PPIL6: variants seen among roughly 807,000 people sequenced by gnomAD.
PPIL6 encodes probable inactive peptidyl-prolyl cis-trans isomerase-like 6.
PPIL6 carries 39 observed loss-of-function variants against 36.8 expected under a neutral mutation model. The ratio of observed to expected loss-of-function variants is 1.06; its 90% CI spans 0.82 to 1.38. PPIL6 has a LOEUF of 1.38. Among genes scored for constraint, PPIL6 ranks in the 40% most tolerant of loss-of-function variants. PPIL6 has a pLI of 0.00. For missense variants in PPIL6, 368 were observed against 379.1 expected (o/e 0.97, Z 0.24); for synonymous variants, 123 against 134.1 (o/e 0.92, Z 0.57).
Position 109,436,213 on chromosome 6 carries a change from T to C in PPIL6, c.136-14A>G, listed in dbSNP as rs1436032900. ...ATTCTTCAGATTCTGGATTTCGAAA[T>C]AGAATAATTATTTTAGAGTTAGTTC... On this transcript the variant is annotated splice_polypyrimidine_tract_variant and intron_variant, in intron 1 of 7. Coordinates refer to ENST00000521072, the MANE Select transcript of PPIL6 (RefSeq NM_173672.5). The C allele has an allele frequency of 2.2e-6, 3 of 1,334,144 alleles. No individual in the cohort carries two copies. The highest frequency in any genetic ancestry group is 2.4e-5 in the South Asian group (2 of 82,442). The allele number at this position is 1,334,144 out of a possible 1,614,324, so 82.6% of individuals were successfully genotyped here.
At chr6:109,432,612 G>A (rs920618545) in intron 2 of PPIL6, among the ~76,000 whole-genome samples, 1 of 152,130 alleles carries the variant, frequency 6.6e-6, no homozygotes, top group Non-Finnish European at 1.5e-5. Flanking sequence ...CTAGGATGGT[G>A]CCTGAGAATT....
intron 3 of PPIL6, among the ~76,000 whole-genome samples, chr6:109,429,413 C>T (rs909624526): frequency 6.6e-6 from 1 of 152,142 alleles, no homozygotes. Flanking sequence ...AAATCATAAC[C>T]CAGCCTCAAT....
chr6:109,426,814 G>A, intron 5 of PPIL6, 33 bp downstream of exon 5: 1 of 1,403,746 alleles, frequency 7.1e-7, no homozygotes, highest in Non-Finnish European at 9.6e-7. Context: ...ATTTGATATT[G>A]CAATTAACTC....
intron 3 of PPIL6, 26 bp from the exon 4 acceptor site, chr6:109,427,182 A>G: frequency 6.4e-7 from 1 of 1,560,596 alleles, no homozygotes; most frequent in Non-Finnish European, 8.8e-7. Context: ...AGAATCATAT[A>G]ATGCAGGTCA....
intron 5 of PPIL6, among the ~76,000 whole-genome samples, chr6:109,424,331 C>T (rs1430097460): frequency 1.3e-5 from 2 of 152,120 alleles, no homozygotes; most frequent in Non-Finnish European, 2.9e-5. Context: ...GCTTAGGAGG[C>T]AGCCAGAGGC....
rs564751735 is a variant in PPIL6, at chr6:109,420,332, C to CAAAA, written c.632-1093_632-1090dup. Among the ~76,000 whole-genome samples the CAAAA allele has an allele frequency of 1.3e-3, 66 of 50,952 alleles. No homozygotes were observed. The Middle Eastern group carries it at 0.047, about 36-fold the overall frequency. 33.4% of individuals were successfully genotyped at this position (50,952 alleles called of 152,430 possible). A position where few individuals can be genotyped will look rare whatever the true frequency, so the allele number is the denominator to read the frequency against. The stretch of plus-strand genomic sequence containing the variant: ...TGGGCGACAGTGTGAGACTCCATCT[C>CAAAA]AAAAAAAAAAAAAAAAAAAAAAAAA... On this transcript the variant is annotated intron_variant, in intron 5 of 7. Coordinates refer to ENST00000521072, the MANE Select transcript of PPIL6 (RefSeq NM_173672.5).
intron 1 of PPIL6, among the ~76,000 whole-genome samples, chr6:109,439,374 T>A (rs1206360064): frequency 6.6e-6 from 1 of 152,204 alleles, no homozygotes; most frequent in African/African-American, 2.4e-5. Context: ...TTATTTATTT[T>A]GAGACGGGGT....
intron 5 of PPIL6, 120 bp downstream of exon 5, chr6:109,426,727 C>A: frequency 3.1e-6 from 2 of 648,292 alleles, no homozygotes; most frequent in Non-Finnish European, 2.4e-6. Flanking sequence ...ATAAAGCATT[C>A]TTTAAATACG....
At chr6:109,428,754 A>T (rs1773962601) in intron 3 of PPIL6, among the ~76,000 whole-genome samples, 1 of 152,112 alleles carries the variant, frequency 6.6e-6, no homozygotes, top group Non-Finnish European at 1.5e-5. Context: ...ATTATAATTA[A>T]TTTGTGCCTC....
intron 6 of PPIL6, among the ~76,000 whole-genome samples, chr6:109,402,356 C>T (rs1772590135): frequency 6.6e-6 from 1 of 152,078 alleles, no homozygotes; most frequent in Non-Finnish European, 1.5e-5. Flanking sequence ...GCCAACATGG[C>T]AAAACCCCGT....
intron 6 of PPIL6, among the ~76,000 whole-genome samples, chr6:109,411,209 A>T (rs915216671): frequency 2.0e-5 from 3 of 152,172 alleles, no homozygotes; most frequent in African/African-American, 7.2e-5. Flanking sequence ...TAATAGGAGT[A>T]ATTCTGGCAG....
At chr6:109,417,395 T>C (rs984011096) in intron 6 of PPIL6, among the ~76,000 whole-genome samples, 1 of 151,810 alleles carries the variant, frequency 6.6e-6, no homozygotes, top group Admixed American at 6.6e-5. Context: ...TTTTTTTTTT[T>C]TTTTAAAGAA....
rs769257444 is a variant in PPIL6, at chr6:109,400,163, G to A, written c.696C>T (p.Asn232=). ...CTCTTTTATTATGAGGAACTGAAAAGTTTTCATCTAGGAAAGACAATAATC... is the reference window on the plus strand; with the variant it reads ...CTCTTTTATTATGAGGAACTGAAAAATTTTCATCTAGGAAAGACAATAATC... The part of the protein sequence containing the change: ...SIYGPTFEDE[N]FSVPHNKRGV... The change falls in exon 7 of 8, where the codon AAC becomes AAT. Residue 232 remains asparagine, a synonymous_variant. Transcript: ENST00000521072. 1 of 1,610,598 alleles carries A rather than the reference G, an allele frequency of 6.2e-7. No individual in the cohort carries two copies. Among genetic ancestry groups the A allele is most frequent in the Admixed American group, 1.7e-5 (1 of 59,734 alleles).
chr6:109,398,872 G>T (rs1772407215), intron 7 of PPIL6, among the ~76,000 whole-genome samples: 1 of 152,080 alleles, frequency 6.6e-6, no homozygotes, highest in Non-Finnish European at 1.5e-5. Flanking sequence ...TTTGATAGAT[G>T]GATAGATAGA....
chr6:109,429,900 A>G (rs1330062606), intron 3 of PPIL6, among the ~76,000 whole-genome samples: 3 of 152,192 alleles, frequency 2.0e-5, no homozygotes, highest in Non-Finnish European at 2.9e-5. Context: ...TGCTGGCACC[A>G]AGAATCTTGA....
intron 5 of PPIL6, among the ~76,000 whole-genome samples, chr6:109,421,605 G>A (rs900946838): frequency 1.2e-4 from 18 of 152,164 alleles, no homozygotes; most frequent in African/African-American, 3.9e-4. Flanking sequence ...ATAATAAAAT[G>A]CATTAAATTT....
At position 109,391,829 on chromosome 6, in the gene PPIL6, CCA is replaced by C. The variant is rs1772108849; in HGVS notation, c.*995_*996del. 6.6e-6 allele frequency: 1 copy of C among 152,082 alleles called. No homozygotes were observed. The highest frequency in any genetic ancestry group is 1.5e-5 in the Non-Finnish European group (1 of 68,014). 9.4% of individuals were successfully genotyped at this position (152,082 alleles called of 1,614,324 possible). ...ATGTTCATGTCATATATGAAAACAT[CCA>C]AAGTGTAGATACTCTTTCTGAATGC... On this transcript the variant is annotated 3_prime_UTR_variant, in exon 8 of 8. Transcript: ENST00000521072.
At chr6:109,433,948 G>A (rs565283718) in intron 2 of PPIL6, among the ~76,000 whole-genome samples, 1 of 152,138 alleles carries the variant, frequency 6.6e-6, no homozygotes, top group South Asian at 2.1e-4. Flanking sequence ...AACCTAGGCT[G>A]AAAGGGGAGG....
intron 6 of PPIL6, among the ~76,000 whole-genome samples, chr6:109,406,420 C>T (rs940393636): frequency 3.9e-5 from 6 of 152,024 alleles, no homozygotes; most frequent in Admixed American, 6.6e-5. Flanking sequence ...TCTTGCAAAT[C>T]GGCAGCTGAG....
Sources: gnomAD v4.1 joint callset for allele counts (sites outside exome capture counted in the v4.1 genomes callset) on GRCh38, gnomAD v4.1.1 for gene constraint, MANE v1.5 for transcripts, NCBI Gene and HGNC (gene_info 2026-07-23, HGNC 2026-07-21) for gene names.